Variants in STARD9 observed in about 807,000 individuals in gnomAD.
STARD9 encodes the protein StAR related lipid transfer domain containing 9, also known as stAR-related lipid transfer protein 9.
A neutral mutation model predicts 399.8 loss-of-function variants in STARD9; 346 were observed. The observed-to-expected ratio is 0.87, with a 90% CI of 0.79 to 0.95. The LOEUF (loss-of-function observed/expected upper bound fraction) is 0.95. Ranked by LOEUF, STARD9 falls within the 40% of genes least tolerant of loss-of-function variation. STARD9 has a pLI of 0.00. For missense variants in STARD9, 5,832 were observed against 5,667.5 expected (o/e 1.03, Z -0.93); for synonymous variants, 2,203 against 2,143.5 (o/e 1.03, Z -0.77).
At chr15:42,667,208 G>A (rs757758595) in intron 15 of STARD9, among the ~76,000 whole-genome samples, 16 of 151,388 alleles carry the variant, frequency 1.1e-4, no homozygotes, top group Non-Finnish European at 2.1e-4. Context: ...TTTTTGAAAC[G>A]GAGTCTCACC....
chr15:42,690,748 G>T lies in STARD9; in HGVS notation c.9170G>T (p.Cys3057Phe). 6.5e-7 allele frequency: 1 copy of T among 1,537,280 alleles called. No homozygotes were observed. The highest frequency in any genetic ancestry group is 8.7e-7 in the Non-Finnish European group (1 of 1,146,910). The change falls in exon 23 of 33, where the codon TGC becomes TTC. Residue 3057 changes from cysteine to phenylalanine, a missense_variant. Around this residue, in one of 2 missense-constraint regions of STARD9, gnomAD observed 5,828 missense variants for 5,651.1 expected, o/e 1.03. Coordinates refer to ENST00000290607, the MANE Select transcript of STARD9 (RefSeq NM_020759.3). ...VAAVLSRAQG[C>F]RSPSAPDVRT... The stretch of plus-strand genomic sequence containing the variant: ...GCTGTCCTATCTCGAGCTCAAGGCT[G>T]CAGATCCCCTTCTGCTCCTGACGTG...
At position 42,689,457 on chromosome 15, in the gene STARD9, C is replaced by T; in HGVS notation, c.7879C>T (p.Gln2627Ter). 6.5e-7 allele frequency: 1 copy of T among 1,537,342 alleles called. No homozygotes were observed. Among genetic ancestry groups the T allele is most frequent in the Non-Finnish European group, 8.7e-7 (1 of 1,146,926 alleles). The change falls in exon 23 of 33, where the codon CAG becomes TAG. Residue 2627 changes from glutamine (Q) to a stop codon, truncating the protein, a stop_gained. Coordinates refer to ENST00000290607, the MANE Select transcript of STARD9 (RefSeq NM_020759.3). LOFTEE classifies it high-confidence loss of function. ...HVASLSAEAGQIDLLPDERKV... is the reference protein window; with the variant it reads ...HVASLSAEAG ...GGCATCTCTATCTGCTGAAGCAGGG[C>T]AGATAGATCTGTTACCTGATGAGAG... is the stretch of plus-strand genomic sequence containing the variant.
chr15:42,657,758 G>A (rs1414610742), intron 9 of STARD9, among the ~76,000 whole-genome samples: 2 of 152,216 alleles, frequency 1.3e-5, no homozygotes, highest in African/African-American at 2.4e-5. Flanking sequence ...AACCAAGATA[G>A]TGTGGTGTTA....
In STARD9 at chr15:42,687,535, G is replaced by A. The variant is rs115067542; in HGVS notation, c.5957G>A (p.Arg1986His). The change falls in exon 23 of 33, where the codon CGT (arginine) becomes CAT (histidine). Residue 1986 changes from arginine to histidine, a missense_variant. Coordinates refer to ENST00000290607, the MANE Select transcript of STARD9 (RefSeq NM_020759.3). Reference sequence around the variant, plus strand: ...ACTGGGCTTCTTGAAAAAGGTCTTCGTCCCAAAGATAGCTCAGAAGAGTTT... The same window carrying A: ...ACTGGGCTTCTTGAAAAAGGTCTTCATCCCAAAGATAGCTCAGAAGAGTTT... ...NETGLLEKGL[R>H]PKDSSEEFKL... 593 of 1,536,954 alleles carry A rather than the reference G, an allele frequency of 3.9e-4. 2 individuals carry two copies. The African/African-American group carries it at 4.7e-3, about 12-fold the overall frequency.
intron 1 of STARD9, among the ~76,000 whole-genome samples, chr15:42,578,060 G>C (rs2058092298): frequency 6.6e-6 from 1 of 151,800 alleles, no homozygotes; most frequent in Non-Finnish European, 1.5e-5. Flanking sequence ...AGTTGCATTT[G>C]TGTCTCAAGT....
chr15:42,640,308 G>T (rs547855726), intron 7 of STARD9, among the ~76,000 whole-genome samples: 2 of 152,170 alleles, frequency 1.3e-5, no homozygotes. Context: ...AATGGATGAC[G>T]CAATAGGTAT....
rs1479401858 is a variant in STARD9 at position 42,690,081 on chromosome 15, G to A, written c.8503G>A (p.Val2835Ile). 3.9e-6 allele frequency: 6 copies of A among 1,537,488 alleles called. No homozygotes were observed. The highest frequency in any genetic ancestry group is 3.6e-5 in the South Asian group (3 of 84,066). ...TGCCTCAGGGCCTAAGCAAGACCAT[G>A]TCCAATGCCCTGAGGCTTCTACTGG... ...TSASGPKQDH[V>I]QCPEASTGFE... is the part of the protein sequence containing the mutation. The change falls in exon 23 of 33, where the codon GTC becomes ATC. Residue 2835 changes from valine (V) to isoleucine (I), a missense_variant. Val to Ile is a conservative substitution (Grantham distance 29). This residue lies in a region of STARD9 where 5,828 missense variants were observed against 5,651.1 expected (regional missense o/e 1.03). Transcript: ENST00000290607.
rs2060672284 is a variant in STARD9, at chr15:42,690,756, C to G, written c.9178C>G (p.Pro3060Ala). The change falls in exon 23 of 33, where the codon CCT (proline) becomes GCT (alanine). Residue 3060 changes from proline (P) to alanine (A), a missense_variant. Physicochemically the swap from Pro to Ala is conservative, Grantham distance 27. This residue lies in a region of STARD9 where 5,828 missense variants were observed against 5,651.1 expected (regional missense o/e 1.03). Coordinates refer to ENST00000290607, the MANE Select transcript of STARD9 (RefSeq NM_020759.3). ...VLSRAQGCRS[P>A]SAPDVRTGSF... ...ATCTCGAGCTCAAGGCTGCAGATCC[C>G]CTTCTGCTCCTGACGTGAGGACAGG... is the stretch of plus-strand genomic sequence containing the variant. The G allele has an allele frequency of 6.5e-7, 1 of 1,537,266 alleles. No individual in the cohort carries two copies. The highest frequency in any genetic ancestry group is 1.7e-4 in the Middle Eastern group (1 of 5,990).
chr15:42,685,558 CAA>C lies in STARD9; in HGVS notation c.3981_3982del (p.Ser1330ProfsTer12). 14 of 1,537,672 alleles carry C rather than the reference CAA, an allele frequency of 9.1e-6. No individual in the cohort carries two copies. The highest frequency in any genetic ancestry group is 1.2e-5 in the Non-Finnish European group (14 of 1,147,024). ...GACTCTCTCCAAGGCATGCAGCTTT[CAA>C]GAGAGAGCCCACTGATGTCCATGGA... On this transcript the variant is annotated frameshift_variant, in exon 23 of 33. Transcript: ENST00000290607. LOFTEE classifies it high-confidence loss of function.
At chr15:42,619,726 A>G (rs1382996596) in intron 3 of STARD9, among the ~76,000 whole-genome samples, 1 of 152,150 alleles carries the variant, frequency 6.6e-6, no homozygotes, top group Non-Finnish European at 1.5e-5. Context: ...ATACAGATGA[A>G]GCTTTACTTG....
At chr15:42,673,817 T>G (rs2060252736) in intron 16 of STARD9, 1 of 419,974 alleles carries the variant, frequency 2.4e-6, no homozygotes, top group South Asian at 1.7e-5. Flanking sequence ...ACTAATCCAC[T>G]GATTCATTTG....
chr15:42,710,989 C>CA (rs2061206410), intron 26 of STARD9, among the ~76,000 whole-genome samples: 1 of 147,692 alleles, frequency 6.8e-6, no homozygotes, highest in South Asian at 2.2e-4. Flanking sequence ...TTTAATTTAA[C>CA]TTTTTTTTAA....
intron 3 of STARD9, among the ~76,000 whole-genome samples, chr15:42,632,732 C>T (rs565672341): frequency 6.6e-6 from 1 of 152,274 alleles, no homozygotes; most frequent in South Asian, 2.1e-4. Context: ...ATCCTAGCTA[C>T]TCAAGAGGCC....
chr15:42,597,563 G>A (rs2058531709), intron 3 of STARD9, among the ~76,000 whole-genome samples: 1 of 151,320 alleles, frequency 6.6e-6, no homozygotes, highest in South Asian at 2.1e-4. Flanking sequence ...TTTAAATAGA[G>A]TCTCGCTCTG....
chr15:42,638,931 C>G (rs1039164231), intron 7 of STARD9, 119 bp downstream of exon 7: 14 of 533,306 alleles, frequency 2.6e-5, no homozygotes, highest in Non-Finnish European at 4.3e-5. Context: ...AGCTACTGTA[C>G]TAGACACTGA....
chr15:42,659,368 C>T (rs537827556), intron 9 of STARD9, among the ~76,000 whole-genome samples: 1 of 152,188 alleles, frequency 6.6e-6, no homozygotes, highest in African/African-American at 2.4e-5. Flanking sequence ...AAATTAGAAC[C>T]AAATGAGATA....
chr15:42,596,456 C>T (rs2058507014), intron 3 of STARD9, among the ~76,000 whole-genome samples: 2 of 152,264 alleles, frequency 1.3e-5, no homozygotes, highest in South Asian at 4.1e-4. Context: ...AAATGATTTG[C>T]AAAATCTTCT....
chr15:42,638,064 T>TTCC lies in STARD9; in HGVS notation c.428_430dup (p.Ser143dup). The stretch of plus-strand genomic sequence containing the variant: ...GGGAGAAAGACTGTGCCTCACTGCC[T>TTCC]TCCTCCTGTAGGATAAAAGTAAGGT... On this transcript the variant is annotated inframe_insertion, in exon 6 of 33. Transcript: ENST00000290607. 6.5e-7 allele frequency: 1 copy of TTCC among 1,537,182 alleles called. No individual in the cohort carries two copies. Among genetic ancestry groups the TTCC allele is most frequent in the East Asian group, 2.4e-5 (1 of 40,922 alleles).
intron 20 of STARD9, among the ~76,000 whole-genome samples, chr15:42,679,841 C>T (rs1271513892): frequency 1.3e-5 from 2 of 152,184 alleles, no homozygotes; most frequent in South Asian, 2.1e-4. Flanking sequence ...GGCTTTCATT[C>T]GTGGACCTCT....
Sources: gnomAD v4.1 joint callset for allele counts (sites outside exome capture counted in the v4.1 genomes callset) on GRCh38, gnomAD v4.1.1 for gene constraint, gnomAD v4.1.1 regional missense constraint, MANE v1.5 for transcripts, NCBI Gene and HGNC (gene_info 2026-07-23, HGNC 2026-07-21) for gene names.